Variants in SYNE2 observed in about 807,000 individuals in gnomAD.
SYNE2 encodes nesprin-2.
A neutral mutation model predicts 856.3 loss-of-function variants in SYNE2; 431 were observed. The observed-to-expected ratio is 0.50, with a 90% CI of 0.47 to 0.55. The LOEUF is 0.55. Ranked by LOEUF, SYNE2 falls within the 20% of genes least tolerant of loss-of-function variation. The probability of loss-of-function intolerance (pLI) is 0.00; values close to 1 mark genes in which losing one functional copy is unlikely to be tolerated. For synonymous variants in SYNE2, 2,923 were observed against 2,872.3 expected, an observed-to-expected ratio of 1.02 and a Z score of -0.56; for missense variants, 8,129 against 8,023.2, an observed-to-expected ratio of 1.01 and a Z score of -0.50.
At chr14:63,924,834 G>GTTTTTTTTTTTTTTTTTT (rs1160819887) in intron 2 of SYNE2, among the ~76,000 whole-genome samples, 3 of 56,456 alleles carry the variant, frequency 5.3e-5, no homozygotes, top group Non-Finnish European at 7.4e-5. Flanking sequence ...CAGCCTTGGT[G>GTTTTTTTTTTTTTTTTTT]TTTTTTTTTT....
chr14:64,093,000 G>T (rs1170750622), intron 60 of SYNE2, among the ~76,000 whole-genome samples: 1 of 147,878 alleles, frequency 6.8e-6, no homozygotes, highest in Non-Finnish European at 1.5e-5. Context: ...TGGTGTATGT[G>T]ACTTGTCAGT....
chr14:64,180,683 T>C (rs1451316557), intron 96 of SYNE2, among the ~76,000 whole-genome samples: 3 of 152,182 alleles, frequency 2.0e-5, no homozygotes, highest in Admixed American at 2.0e-4. Flanking sequence ...TTTGTATTTT[T>C]AGTAGAGACG....
At chr14:64,210,167 G>T in intron 103 of SYNE2, 43 bp downstream of exon 103, 1 of 1,605,322 alleles carries the variant, frequency 6.2e-7, no homozygotes, top group South Asian at 1.1e-5. Flanking sequence ...TTTTCCAGGA[G>T]ACATAACGCA....
intron 52 of SYNE2, 36 bp from the exon 53 acceptor site, chr14:64,073,932 A>T (rs766631494): frequency 6.2e-7 from 1 of 1,603,702 alleles, no homozygotes; most frequent in East Asian, 2.2e-5. Context: ...GAAGAGCAGG[A>T]TAAAGAAACA....
rs965704707 is a variant in SYNE2, at chr14:64,009,887, T to G, written c.4578-79T>G. 4.7e-6 allele frequency: 6 copies of G among 1,287,588 alleles called. No homozygotes were observed. In the African/African-American group the frequency reaches 8.9e-5, roughly 19 times the overall value. The allele number at this position is 1,287,588 out of a possible 1,614,324, so 79.8% of individuals were successfully genotyped here. On this transcript the variant is annotated intron_variant, in intron 31 of 115. Coordinates refer to ENST00000555002, the MANE Select transcript of SYNE2 (RefSeq NM_182914.3). ...AGTCCTTTACACCTTATTCATCATT[T>G]ATGTGGGATACTTGCAAAGAGAAAG...
chr14:63,847,767 G>A (rs1355646553), intron 1 of SYNE2, among the ~76,000 whole-genome samples: 1 of 151,866 alleles, frequency 6.6e-6, no homozygotes, highest in African/African-American at 2.4e-5. Flanking sequence ...TGTATTTTTA[G>A]TAGAGATGGG....
chr14:63,863,539 G>T (rs1894321508), intron 1 of SYNE2, among the ~76,000 whole-genome samples: 1 of 152,096 alleles, frequency 6.6e-6, no homozygotes, highest in Non-Finnish European at 1.5e-5. Context: ...TATCTTAATT[G>T]TACATTTCAA....
rs150361559 is a variant in SYNE2 at position 64,152,591 on chromosome 14, T to A, written c.15667T>A (p.Ser5223Thr). ...TATAGAAAATCAACTTGCAATTAAA[T>A]CCAAAGCACTAGATGAGTTGAAACA... Reference protein sequence around the residue: ...QDIENQLAIKSKALDELKQSY... With the variant: ...QDIENQLAIKTKALDELKQSY... Residue 5223 changes from serine (S) to threonine (T), a missense_variant, in exon 85 of 116, where the codon TCC becomes ACC. By Grantham distance (58) the Ser-to-Thr change is moderately conservative (BLOSUM62 1). This residue lies in a region of SYNE2 where 5,410 missense variants were observed against 5,284.8 expected (regional missense o/e 1.02). Transcript: ENST00000555002. 3.8e-5 allele frequency: 61 copies of A among 1,613,984 alleles called. No individual in the cohort carries two copies. Among genetic ancestry groups the A allele is most frequent in the Non-Finnish European group, 4.8e-5 (57 of 1,179,998 alleles).
chr14:63,885,339 G>C (rs1322929000), intron 1 of SYNE2, among the ~76,000 whole-genome samples: 3 of 140,754 alleles, frequency 2.1e-5, no homozygotes, highest in Admixed American at 7.2e-5. Context: ...CTGTCTCTCT[G>C]TGAAGTTGGC....
In SYNE2 at chr14:64,214,063, T is replaced by C. The variant is rs1164634259; in HGVS notation, c.19057-131T>C. 3.5e-6 allele frequency: 5 copies of C among 1,412,700 alleles called. No homozygotes were observed. The African/African-American group carries it at 5.8e-5, about 16-fold the overall frequency. 87.5% of individuals were successfully genotyped at this position (1,412,700 alleles called of 1,614,324 possible). A position where few individuals can be genotyped will look rare whatever the true frequency, so the allele number is the denominator to read the frequency against. On this transcript the variant is annotated intron_variant, in intron 105 of 115. Transcript: ENST00000555002. ...GAAACAGGACCTGGGAACCTGATCT[T>C]TTTAAAGCTGCCTTAGAAATACTAT...
At chr14:64,183,321 C>T (rs879316381) in intron 96 of SYNE2, among the ~76,000 whole-genome samples, 8 of 145,678 alleles carry the variant, frequency 5.5e-5, no homozygotes, top group South Asian at 2.2e-4. Flanking sequence ...CCAGACGGGG[C>T]GGCAGGGCAG....
At chr14:64,125,015 A>G in intron 70 of SYNE2, 64 bp from the exon 71 acceptor site, 4 of 1,598,698 alleles carry the variant, frequency 2.5e-6, no homozygotes, top group Non-Finnish European at 3.4e-6. Context: ...AAATAAAAAA[A>G]TAAATTAATT....
intron 100 of SYNE2, 71 bp downstream of exon 100, chr14:64,203,034 G>A (rs186519013): frequency 1.1e-5 from 18 of 1,573,752 alleles, no homozygotes; most frequent in Admixed American, 3.5e-5. Flanking sequence ...GGCCTTCCCC[G>A]TATATCTATG....
chr14:63,763,362 C>T (rs1025665029), intron 1 of SYNE2, among the ~76,000 whole-genome samples: 26 of 152,066 alleles, frequency 1.7e-4, no homozygotes, highest in Admixed American at 2.6e-4. Flanking sequence ...AAATAAAGCA[C>T]ATTTTAACTC....
intron 78 of SYNE2, among the ~76,000 whole-genome samples, chr14:64,136,660 A>C (rs1356261746): frequency 6.6e-6 from 1 of 152,170 alleles, no homozygotes; most frequent in African/African-American, 2.4e-5. Flanking sequence ...CTTTCCGTGA[A>C]GTTGGATTAA....
intron 99 of SYNE2, chr14:64,202,166 C>T (rs754951881): frequency 1.4e-6 from 1 of 702,096 alleles, no homozygotes. Flanking sequence ...GTGCAGATTT[C>T]CTTTGCCCCC....
intron 1 of SYNE2, among the ~76,000 whole-genome samples, chr14:63,832,093 A>G (rs1189705355): frequency 6.6e-6 from 1 of 152,154 alleles, no homozygotes; most frequent in Non-Finnish European, 1.5e-5. Flanking sequence ...TAAACATGCT[A>G]GATTAAAAAA....
chr14:64,220,737 C>A, intron 111 of SYNE2, 100 bp downstream of exon 111: 1 of 1,370,102 alleles, frequency 7.3e-7, no homozygotes, highest in Non-Finnish European at 1.0e-6. Flanking sequence ...TCCGTGCAGC[C>A]AAATGTGGCT....
rs1595894380 is a variant in SYNE2, at chr14:63,961,597, A to T, written c.860A>T (p.Asp287Val). 14 of 1,613,980 alleles carry T rather than the reference A, an allele frequency of 8.7e-6. No homozygotes were observed. The Middle Eastern group carries it at 4.9e-4, about 57-fold the overall frequency. Reference sequence around the variant, plus strand: ...GCACAGTTTCTGCAGTATTCCAAAGATGCCCCTGGGACTGGAGAGGAGGCT... The same window carrying T: ...GCACAGTTTCTGCAGTATTCCAAAGTTGCCCCTGGGACTGGAGAGGAGGCT... ...YVAQFLQYSK[D>V]APGTGEEAQG... The change falls in exon 9 of 116, where the codon GAT (aspartate) becomes GTT (valine). Residue 287 changes from aspartate to valine, a missense_variant. By Grantham distance (152) the Asp-to-Val change is radical. Coordinates refer to ENST00000555002, the MANE Select transcript of SYNE2 (RefSeq NM_182914.3).
Sources: allele counts gnomAD v4.1 joint callset (sites outside exome capture counted in the v4.1 genomes callset), GRCh38; gene constraint gnomAD v4.1.1; regional missense constraint gnomAD v4.1.1; transcripts MANE v1.5; gene names NCBI Gene and HGNC (gene_info 2026-07-23, HGNC 2026-07-21).